Variants in EPHA6 observed in about 807,000 individuals in gnomAD.
EPHA6 encodes EPH receptor A6, also known as ephrin type-A receptor 6.
Under a neutral mutation model 112.0 loss-of-function variants are expected in EPHA6, and 50 were observed. The ratio of observed to expected loss-of-function variants is 0.45; its 90% confidence interval spans 0.36 to 0.56. The LOEUF is 0.56. EPHA6 is among the 20% of genes least tolerant of loss of function. The pLI, the probability that EPHA6 is intolerant of heterozygous loss-of-function variation, is 0.00. For missense variants in EPHA6, 1,280 were observed against 1,417.4 expected (o/e 0.90, Z 1.56); for synonymous variants, 529 against 490.7 (o/e 1.08, Z -1.03).
At chr3:96,842,815 T>C (rs1447517594) in intron 1 of EPHA6, among the ~76,000 whole-genome samples, 1 of 152,084 alleles carries the variant, frequency 6.6e-6, no homozygotes, top group Non-Finnish European at 1.5e-5. Context: ...CAGATCAGAA[T>C]GTTACAGCTC....
intron 2 of EPHA6, among the ~76,000 whole-genome samples, chr3:96,960,028 C>A (rs1180699699): frequency 2.0e-5 from 3 of 152,014 alleles, no homozygotes; most frequent in African/African-American, 7.2e-5. Context: ...GAACCTGGAA[C>A]CTAACCATAA....
At chr3:97,719,988 G>A (rs955135484) in intron 14 of EPHA6, among the ~76,000 whole-genome samples, 1 of 152,124 alleles carries the variant, frequency 6.6e-6, no homozygotes, top group African/African-American at 2.4e-5. Context: ...GGTTAATTGT[G>A]TGAATCTAAA....
chr3:97,153,690 A>T (rs2076222100), intron 3 of EPHA6, among the ~76,000 whole-genome samples: 1 of 152,118 alleles, frequency 6.6e-6, no homozygotes, highest in Admixed American at 6.6e-5. Context: ...TTATTTATTT[A>T]CACCTAAATG....
intron 7 of EPHA6, among the ~76,000 whole-genome samples, chr3:97,474,689 A>G (rs1325051593): frequency 6.6e-6 from 1 of 152,034 alleles, no homozygotes; most frequent in Non-Finnish European, 1.5e-5. Flanking sequence ...CATGCAGCTC[A>G]TGTGCTTTTA....
At chr3:97,419,029 G>T (rs1448407908) in intron 6 of EPHA6, among the ~76,000 whole-genome samples, 1 of 152,148 alleles carries the variant, frequency 6.6e-6, no homozygotes, top group South Asian at 2.1e-4. Flanking sequence ...ACAGGGCCAG[G>T]CACTGTGGCT....
At chr3:97,720,201 T>C in intron 14 of EPHA6, 60 bp from the exon 15 acceptor site, 2 of 1,378,352 alleles carry the variant, frequency 1.5e-6, no homozygotes, top group Non-Finnish European at 1.9e-6. Flanking sequence ...TTAATTGGAA[T>C]ACCATTTTGT....
At chr3:97,292,941 G>A (rs570130285) in intron 5 of EPHA6, among the ~76,000 whole-genome samples, 1 of 151,962 alleles carries the variant, frequency 6.6e-6, no homozygotes, top group African/African-American at 2.4e-5. Flanking sequence ...CTTTTTGCAG[G>A]CAGGTCATCT....
chr3:97,472,377 A>G (rs2091253864), intron 7 of EPHA6, among the ~76,000 whole-genome samples: 1 of 151,752 alleles, frequency 6.6e-6, no homozygotes, highest in Non-Finnish European at 1.5e-5. Flanking sequence ...TTCCCAAATG[A>G]TAAGATATTC....
chr3:97,047,455 G>A (rs1259197945), intron 3 of EPHA6, among the ~76,000 whole-genome samples: 3 of 135,102 alleles, frequency 2.2e-5, no homozygotes, highest in East Asian at 2.2e-4. Context: ...AGCAGAGATC[G>A]CACCACTGCA....
chr3:97,445,967 T>C (rs1474965818), intron 6 of EPHA6, among the ~76,000 whole-genome samples: 2 of 152,058 alleles, frequency 1.3e-5, no homozygotes, highest in Admixed American at 6.6e-5. Flanking sequence ...TCTAAACATA[T>C]TCAAAATTCA....
chr3:97,685,386 T>A (rs1018378719), intron 14 of EPHA6, among the ~76,000 whole-genome samples: 14 of 152,286 alleles, frequency 9.2e-5, no homozygotes, highest in Admixed American at 7.2e-4. Context: ...CATGAAGAAG[T>A]CACTGTATCA....
chr3:97,248,378 G>A (rs1426690908), intron 5 of EPHA6, among the ~76,000 whole-genome samples: 1 of 152,020 alleles, frequency 6.6e-6, no homozygotes, highest in Non-Finnish European at 1.5e-5. Context: ...TTAGTCTTCA[G>A]TGCATGATAG....
chr3:97,520,692 C>T (rs2092527463), intron 10 of EPHA6, among the ~76,000 whole-genome samples: 1 of 152,106 alleles, frequency 6.6e-6, no homozygotes. Context: ...TGGAGAAGAC[C>T]CTTTTCATTA....
chr3:96,885,614 C>G (rs2037576875), intron 2 of EPHA6, among the ~76,000 whole-genome samples: 2 of 151,988 alleles, frequency 1.3e-5, no homozygotes, highest in Non-Finnish European at 2.9e-5. Flanking sequence ...GATTTTCTCT[C>G]TTCTTTTCTT....
intron 7 of EPHA6, among the ~76,000 whole-genome samples, chr3:97,472,337 C>T (rs901900313): frequency 6.6e-6 from 1 of 151,262 alleles, no homozygotes; most frequent in Non-Finnish European, 1.5e-5. Context: ...GGGGACCTAC[C>T]CAAATCTAAA....
chr3:97,712,373 C>T (rs2034012794), intron 14 of EPHA6, among the ~76,000 whole-genome samples: 1 of 152,108 alleles, frequency 6.6e-6, no homozygotes, highest in Non-Finnish European at 1.5e-5. Flanking sequence ...TATTTCTTAA[C>T]TCATTTTAAC....
chr3:97,402,543 G>A (rs1184573488), intron 5 of EPHA6, among the ~76,000 whole-genome samples: 1 of 152,008 alleles, frequency 6.6e-6, no homozygotes, highest in Admixed American at 6.6e-5. Context: ...AGTGAAATGA[G>A]TTTCTTGTAA....
At chr3:97,466,231 G>T (rs762287957) in intron 7 of EPHA6, 10 of 887,114 alleles carry the variant, frequency 1.1e-5, no homozygotes, top group Non-Finnish European at 1.7e-5. Context: ...GACTTGGGAG[G>T]CTGTGTTTAT....
At chr3:97,055,334 G>A (rs137902849) in intron 3 of EPHA6, among the ~76,000 whole-genome samples, 26 of 152,214 alleles carry the variant, frequency 1.7e-4, no homozygotes, top group Admixed American at 8.5e-4. Context: ...TGTTGCAAAT[G>A]TATTATGATA....
Sources: gnomAD v4.1 joint callset for allele counts (sites outside exome capture counted in the v4.1 genomes callset) on GRCh38, gnomAD v4.1.1 for gene constraint, MANE v1.5 for transcripts, NCBI Gene and HGNC (gene_info 2026-07-23, HGNC 2026-07-21) for gene names.